The following SLC7A2 variants were observed in gnomAD, a reference collection of about 807,000 sequenced individuals.
The protein encoded by SLC7A2 is cationic amino acid transporter 2.
Under a neutral mutation model 58.9 loss-of-function variants are expected in SLC7A2, and 48 were observed. That is an observed-to-expected ratio of 0.82 (90% CI 0.65 to 1.04). The LOEUF (loss-of-function observed/expected upper bound fraction) is 1.04, where lower values mean the gene tolerates loss of function less well. Among genes scored for constraint, SLC7A2 ranks in the 50% least tolerant of loss-of-function variants. The probability of loss-of-function intolerance (pLI) is 0.00; values close to 1 mark genes in which losing one functional copy is unlikely to be tolerated. For synonymous variants in SLC7A2, 363 were observed against 314.5 expected (o/e 1.15, Z -1.63); for missense variants, 1,029 against 818.8 (o/e 1.26, Z -3.13).
chr8:17,534,363 C>T (rs189499386), intron 2 of SLC7A2, among the ~76,000 whole-genome samples: 68 of 152,186 alleles, frequency 4.5e-4, no homozygotes, highest in East Asian at 1.2e-3. Flanking sequence ...GAAGTGATTA[C>T]CCTTTTGTAA....
At chr8:17,560,629 C>T in intron 10 of SLC7A2, 96 bp downstream of exon 10, 7 of 1,056,616 alleles carry the variant, frequency 6.6e-6, no homozygotes, top group Admixed American at 3.7e-5. Flanking sequence ...CTAACATTGC[C>T]CTAGAATATA....
upstream of SLC7A2, among the ~76,000 whole-genome samples, chr8:17,496,448 G>A (rs1398188441): frequency 6.6e-6 from 1 of 152,152 alleles, no homozygotes; most frequent in African/African-American, 2.4e-5. Context: ...AATCTTATCA[G>A]AGACTCCTAA....
At chr8:17,510,062 G>T (rs192818142) in intron 2 of SLC7A2, among the ~76,000 whole-genome samples, 4 of 152,016 alleles carry the variant, frequency 2.6e-5, no homozygotes, top group Admixed American at 2.6e-4. Flanking sequence ...TCTACTAAAC[G>T]TACGAAAATT....
chr8:17,554,359 G>A (rs1032170223), intron 7 of SLC7A2, among the ~76,000 whole-genome samples: 1 of 151,942 alleles, frequency 6.6e-6, no homozygotes, highest in African/African-American at 2.4e-5. Flanking sequence ...ATAATGAATA[G>A]CACAATGGTA....
chr8:17,562,731 T>G (rs529294536), intron 11 of SLC7A2, among the ~76,000 whole-genome samples: 5 of 152,356 alleles, frequency 3.3e-5, no homozygotes, highest in African/African-American at 1.2e-4. Context: ...AATATTATTA[T>G]ATATGATAGT....
chr8:17,533,415 G>C (rs1001546750), intron 2 of SLC7A2, among the ~76,000 whole-genome samples: 1 of 152,218 alleles, frequency 6.6e-6, no homozygotes, highest in Non-Finnish European at 1.5e-5. Flanking sequence ...AACTGAAAAT[G>C]AATGTGAATT....
chr8:17,507,966 A>G (rs80105864), intron 2 of SLC7A2, among the ~76,000 whole-genome samples: 1 of 152,288 alleles, frequency 6.6e-6, no homozygotes, highest in African/African-American at 2.4e-5. Flanking sequence ...TACTTTTACC[A>G]GAAAATGGGA....
upstream of SLC7A2, among the ~76,000 whole-genome samples, chr8:17,494,268 G>C (rs1455197280): frequency 2.0e-5 from 3 of 152,142 alleles, no homozygotes; most frequent in African/African-American, 4.8e-5. Flanking sequence ...GGAGTACAGG[G>C]TGTGGAATTT....
chr8:17,559,807 AT>A (rs1802877939), intron 9 of SLC7A2, among the ~76,000 whole-genome samples: 1 of 152,140 alleles, frequency 6.6e-6, no homozygotes, highest in Non-Finnish European at 1.5e-5. Context: ...GGATAAAATA[AT>A]AAAGGAAAAT....
At chr8:17,543,746 G>A (rs777045747) in intron 3 of SLC7A2, 31 bp downstream of exon 3, 2 of 1,507,338 alleles carry the variant, frequency 1.3e-6, no homozygotes, top group Admixed American at 2.3e-5. Context: ...TAACTTGTGT[G>A]GAATGGAAGA....
At chr8:17,543,876 T>C (rs1168146908) in intron 3 of SLC7A2, among the ~76,000 whole-genome samples, 161 bp downstream of exon 3, 1 of 151,958 alleles carries the variant, frequency 6.6e-6, no homozygotes, top group African/African-American at 2.4e-5. Context: ...CAAAATTCTG[T>C]GGGTTTTTTT....
At chr8:17,557,793 A>G (rs927910246) in intron 8 of SLC7A2, among the ~76,000 whole-genome samples, 2 of 152,136 alleles carry the variant, frequency 1.3e-5, no homozygotes, top group African/African-American at 4.8e-5. Flanking sequence ...GCACCACTGC[A>G]CTCCACCCTG....
chr8:17,545,700 G>A (rs1442766501), intron 4 of SLC7A2, among the ~76,000 whole-genome samples: 1 of 151,872 alleles, frequency 6.6e-6, no homozygotes, highest in East Asian at 1.9e-4. Flanking sequence ...GCCTGGCCAC[G>A]TTTTCTCTTT....
At chr8:17,525,213 A>G (rs539766378) in intron 2 of SLC7A2, among the ~76,000 whole-genome samples, 1 of 152,296 alleles carries the variant, frequency 6.6e-6, no homozygotes, top group African/African-American at 2.4e-5. Flanking sequence ...TATCTTCATT[A>G]TGAGTATTCC....
At position 17,551,763 on chromosome 8, in the gene SLC7A2, G is replaced by A; in HGVS notation, c.833-1G>A. 6.2e-7 allele frequency: 1 copy of A among 1,609,612 alleles called. No homozygotes were observed. Among genetic ancestry groups the A allele is most frequent in the Non-Finnish European group, 8.5e-7 (1 of 1,176,078 alleles). On this transcript the variant is annotated splice_acceptor_variant, in intron 6 of 12. Coordinates refer to ENST00000494857, the MANE Select transcript of SLC7A2 (RefSeq NM_001370338.1). LOFTEE classifies it high-confidence loss of function. ...CACATCTTTTGTTTATATTTCCTTA[G>A]GTGAAGAAGTTCGGAATCCCCAGAA...
At chr8:17,515,363 T>G (rs1489373424) in intron 2 of SLC7A2, among the ~76,000 whole-genome samples, 1 of 151,600 alleles carries the variant, frequency 6.6e-6, no homozygotes, top group Non-Finnish European at 1.5e-5. Flanking sequence ...TGTCGCAATC[T>G]CGGCTCACTG....
At chr8:17,518,809 T>C (rs1041242069) in intron 2 of SLC7A2, among the ~76,000 whole-genome samples, 1 of 152,180 alleles carries the variant, frequency 6.6e-6, no homozygotes, top group African/African-American at 2.4e-5. Flanking sequence ...TGAGCTGTCA[T>C]AGTAAAATAC....
chr8:17,548,479 G>T (rs1387571114), intron 4 of SLC7A2, among the ~76,000 whole-genome samples, 199 bp from the exon 5 acceptor site: 1 of 152,122 alleles, frequency 6.6e-6, no homozygotes, highest in Non-Finnish European at 1.5e-5. Context: ...ACCTGCCTCC[G>T]AAATTGAGTT....
At chr8:17,515,842 G>A (rs1473813767) in intron 2 of SLC7A2, among the ~76,000 whole-genome samples, 1 of 152,150 alleles carries the variant, frequency 6.6e-6, no homozygotes, top group Admixed American at 6.5e-5. Flanking sequence ...TCAATCAACT[G>A]TCCTCTGTTT....
Sources: allele counts gnomAD v4.1 joint callset (sites outside exome capture counted in the v4.1 genomes callset), GRCh38; gene constraint gnomAD v4.1.1; transcripts MANE v1.5; gene names NCBI Gene and HGNC (gene_info 2026-07-23, HGNC 2026-07-21).